The following NRXN1 variants were observed in gnomAD, a reference collection of about 807,000 sequenced individuals.
NRXN1 encodes the protein neurexin 1.
Under a neutral mutation model 150.9 loss-of-function variants are expected in NRXN1, and 39 were observed. The ratio of observed to expected loss-of-function variants is 0.26; its 90% CI spans 0.20 to 0.34. The LOEUF is 0.34. Among genes scored for constraint, NRXN1 ranks in the 10% least tolerant of loss-of-function variants. The probability of loss-of-function intolerance (pLI) is 1.00; values close to 1 mark genes in which losing one functional copy is unlikely to be tolerated. For synonymous variants in NRXN1, 924 were observed against 757.0 expected (o/e 1.22, Z -3.62); for missense variants, 1,815 against 1,949.9 (o/e 0.93, Z 1.30).
At chr2:50,458,353 A>C (rs979016595) in intron 17 of NRXN1, among the ~76,000 whole-genome samples, 1 of 152,140 alleles carries the variant, frequency 6.6e-6, no homozygotes, top group African/African-American at 2.4e-5. Context: ...AAGTAGAAGA[A>C]ATAAGAGTAG....
chr2:50,649,035 G>T (rs190489557), intron 5 of NRXN1, among the ~76,000 whole-genome samples: 1 of 151,978 alleles, frequency 6.6e-6, no homozygotes, highest in African/African-American at 2.4e-5. Flanking sequence ...CTCTGAGCTG[G>T]ATTAGGTTTT....
intron 17 of NRXN1, among the ~76,000 whole-genome samples, chr2:50,259,541 A>G (rs535318800): frequency 6.6e-6 from 1 of 152,022 alleles, no homozygotes; most frequent in Non-Finnish European, 1.5e-5. Flanking sequence ...AATCAAGTAA[A>G]TAATTAAGAA....
chr2:50,130,361 T>C, intron 18 of NRXN1, among the ~76,000 whole-genome samples: 1 of 152,042 alleles, frequency 6.6e-6, no homozygotes, highest in Non-Finnish European at 1.5e-5. Flanking sequence ...ATGTCCTTCT[T>C]AGGCATCCTC....
chr2:50,972,411 G>C (rs1695147554), intron 2 of NRXN1, among the ~76,000 whole-genome samples: 1 of 152,108 alleles, frequency 6.6e-6, no homozygotes, highest in Non-Finnish European at 1.5e-5. Context: ...CCTCCACATA[G>C]AGACACAGTG....
intron 21 of NRXN1, among the ~76,000 whole-genome samples, chr2:50,038,094 C>T (rs113786940): frequency 4.6e-5 from 7 of 152,108 alleles, no homozygotes; most frequent in African/African-American, 1.7e-4. Flanking sequence ...TGTAGAGATA[C>T]CTGAGGATAA....
intron 8 of NRXN1, among the ~76,000 whole-genome samples, chr2:50,599,301 A>G (rs937926216): frequency 3.9e-5 from 6 of 152,180 alleles, no homozygotes; most frequent in Admixed American, 3.3e-4. Context: ...CCTTATAAAA[A>G]TTCAGCCCTT....
At chr2:50,316,067 T>TA (rs1381658444) in intron 17 of NRXN1, among the ~76,000 whole-genome samples, 2 of 152,042 alleles carry the variant, frequency 1.3e-5, no homozygotes, top group Non-Finnish European at 2.9e-5. Context: ...ATGATTACAG[T>TA]ATGGAGAAAC....
chr2:50,357,306 T>TTTA (rs1558590722), intron 17 of NRXN1, among the ~76,000 whole-genome samples: 40 of 131,416 alleles, frequency 3.0e-4, no homozygotes, highest in South Asian at 1.2e-3. Context: ...TTATTTATTT[T>TTTA]TTTTTTTATT....
At chr2:50,784,498 A>G (rs1174441183) in intron 5 of NRXN1, among the ~76,000 whole-genome samples, 1 of 152,068 alleles carries the variant, frequency 6.6e-6, no homozygotes, top group African/African-American at 2.4e-5. Context: ...CATGGTGAGT[A>G]TGAAAAAACA....
chr2:50,381,228 G>C (rs1054602181), intron 17 of NRXN1, among the ~76,000 whole-genome samples: 1 of 146,702 alleles, frequency 6.8e-6, no homozygotes, highest in Non-Finnish European at 1.5e-5. Flanking sequence ...ATACTTATGA[G>C]GAAAAAAAAA....
intron 2 of NRXN1, among the ~76,000 whole-genome samples, chr2:50,973,439 TTA>T (rs1695332383): frequency 6.6e-6 from 1 of 152,160 alleles, no homozygotes; most frequent in Non-Finnish European, 1.5e-5. Context: ...ATATCTCAGA[TTA>T]ATCCTCTATT....
intron 5 of NRXN1, among the ~76,000 whole-genome samples, chr2:50,806,978 T>C (rs910517016): frequency 6.6e-6 from 1 of 152,170 alleles, no homozygotes; most frequent in Non-Finnish European, 1.5e-5. Context: ...GCATTCAAGA[T>C]ATAATTTGTG....
chr2:50,788,962 T>C (rs1459118811), intron 5 of NRXN1, among the ~76,000 whole-genome samples: 1 of 151,816 alleles, frequency 6.6e-6, no homozygotes, highest in African/African-American at 2.4e-5. Flanking sequence ...TGGAAAAACA[T>C]GAGGAGTAGG....
At chr2:50,955,930 C>T (rs750692190) in intron 2 of NRXN1, among the ~76,000 whole-genome samples, 4 of 152,076 alleles carry the variant, frequency 2.6e-5, no homozygotes, top group Non-Finnish European at 2.9e-5. Flanking sequence ...CAGAGTCTGC[C>T]GGGCAGCAGC....
chr2:50,442,216 G>T (rs2086013094), intron 17 of NRXN1, among the ~76,000 whole-genome samples: 1 of 152,090 alleles, frequency 6.6e-6, no homozygotes, highest in Admixed American at 6.6e-5. Flanking sequence ...TCATCTGTTA[G>T]GATAATACTA....
intron 22 of NRXN1, among the ~76,000 whole-genome samples, chr2:49,923,719 C>T (rs7563292): frequency 2.0e-5 from 3 of 151,486 alleles, no homozygotes; most frequent in Non-Finnish European, 2.9e-5. Context: ...TTTGCCTAAA[C>T]GTGTGTGTGT....
intron 21 of NRXN1, among the ~76,000 whole-genome samples, chr2:50,047,882 G>A (rs1428601696): frequency 6.6e-6 from 1 of 152,066 alleles, no homozygotes; most frequent in African/African-American, 2.4e-5. Context: ...GATATAGCAA[G>A]TGCTCATCAA....
Position 50,302,654 on chromosome 2 carries a change from C to A in NRXN1, c.3365-65684G>T, listed in dbSNP as rs538221934. 8.9e-4 allele frequency among the ~76,000 whole-genome samples: 136 copies of A among 152,218 alleles called. 2 individuals are homozygous for A. The highest frequency in any genetic ancestry group is 3.1e-3 in the African/African-American group (130 of 41,560). Reference sequence around the variant, plus strand: ...TATAAATGTGGCATTTTAAAATAAACATTCTCCCAAATTAATACTTTGTTT... The same window carrying A: ...TATAAATGTGGCATTTTAAAATAAAAATTCTCCCAAATTAATACTTTGTTT... On this transcript the variant is annotated intron_variant, in intron 17 of 22. Transcript: ENST00000401669.
At chr2:49,984,024 G>A (rs1261664736) in intron 21 of NRXN1, among the ~76,000 whole-genome samples, 1 of 151,826 alleles carries the variant, frequency 6.6e-6, no homozygotes, top group Non-Finnish European at 1.5e-5. Context: ...AAATTAGCTG[G>A]GTGTGGTAAT....
Sources: gnomAD v4.1 joint callset for allele counts (sites outside exome capture counted in the v4.1 genomes callset) on GRCh38, gnomAD v4.1.1 for gene constraint, MANE v1.5 for transcripts, NCBI Gene and HGNC (gene_info 2026-07-23, HGNC 2026-07-21) for gene names.